Variants in BAZ2B observed in about 807,000 individuals in gnomAD.
BAZ2B encodes the protein bromodomain adjacent to zinc finger domain protein 2B.
BAZ2B carries 91 observed loss-of-function variants against 246.0 expected under a neutral mutation model. The ratio of observed to expected loss-of-function variants is 0.37; its 90% CI spans 0.31 to 0.44. The LOEUF is 0.44. Among genes scored for constraint, BAZ2B ranks in the 20% least tolerant of loss-of-function variants. The pLI, the probability that BAZ2B is intolerant of heterozygous loss-of-function variation, is 1.00. For synonymous variants in BAZ2B, 855 were observed against 860.0 expected (o/e 0.99, Z 0.10); for missense variants, 2,332 against 2,533.7 (o/e 0.92, Z 1.71).
chr2:159,632,419 A>G, the BAZ2B span, among the ~76,000 whole-genome samples: 1 of 152,216 alleles, frequency 6.6e-6, no homozygotes, highest in Non-Finnish European at 1.5e-5. Flanking sequence ...CAAAAAATAA[A>G]TATCTTCAAA....
At chr2:159,351,227 A>C (rs1465536750) in intron 27 of BAZ2B, among the ~76,000 whole-genome samples, 1 of 152,148 alleles carries the variant, frequency 6.6e-6, no homozygotes. Flanking sequence ...ATTCTACTAC[A>C]TACATAATAT....
chr2:159,360,399 G>A (rs1036577674), intron 27 of BAZ2B, among the ~76,000 whole-genome samples: 4 of 152,124 alleles, frequency 2.6e-5, no homozygotes, highest in African/African-American at 9.7e-5. Context: ...ACTTACAAGG[G>A]ATGTGAAGGA....
At chr2:159,398,482 G>A (rs1333153382) in intron 18 of BAZ2B, among the ~76,000 whole-genome samples, 2 of 151,930 alleles carry the variant, frequency 1.3e-5, no homozygotes, top group Non-Finnish European at 2.9e-5. Context: ...TCTAGTTTAT[G>A]CCTAAACATA....
chr2:159,613,459 TAAAAA>T (rs70997176), intron 1 of BAZ2B, among the ~76,000 whole-genome samples: 139 of 144,404 alleles, frequency 9.6e-4, no homozygotes, highest in Non-Finnish European at 1.0e-3. Context: ...TCTGATTTTC[TAAAAA>T]AAAAAAAAAA....
intron 25 of BAZ2B, among the ~76,000 whole-genome samples, chr2:159,380,009 T>TACAC (rs35151742): frequency 2.1e-4 from 31 of 150,662 alleles, no homozygotes; most frequent in African/African-American, 5.3e-4. Flanking sequence ...CTCATATACA[T>TACAC]ACACACACAC....
rs763105061 is a variant in BAZ2B, at chr2:159,374,748, T to C, written c.4011A>G (p.Glu1337=). Reference sequence around the variant, plus strand: ...CTTCAACACTTGCTGCTTGGTCACCTTCATCCTATACATAAGAAAATACAG... The same window carrying C: ...CTTCAACACTTGCTGCTTGGTCACCCTCATCCTATACATAAGAAAATACAG... ...KKTDICEDED[E]GDQAASVEEL... Residue 1337 remains glutamate, a synonymous_variant, in exon 26 of 37, where the codon GAA becomes GAG. Transcript: ENST00000392783. The C allele has an allele frequency of 1.2e-6, 2 of 1,611,820 alleles. No individual in the cohort carries two copies. The highest frequency in any genetic ancestry group is 4.5e-5 in the East Asian group (2 of 44,764).
intron 21 of BAZ2B, among the ~76,000 whole-genome samples, chr2:159,389,007 G>C (rs1475468383): frequency 6.6e-6 from 1 of 152,116 alleles, no homozygotes; most frequent in Non-Finnish European, 1.5e-5. Flanking sequence ...TTGAGCCTGG[G>C]AACGAGAAGT....
At position 159,349,877 on chromosome 2, in the gene BAZ2B, C is replaced by G. The variant is rs2058371402; in HGVS notation, c.4694G>C (p.Arg1565Pro). The G allele has an allele frequency of 6.2e-7, 1 of 1,614,114 alleles. No homozygotes were observed. Among genetic ancestry groups the G allele is most frequent in the South Asian group, 1.1e-5 (1 of 91,080 alleles). ...KNRQWFSLLP[R>P]TPCDDTSLTH... ...AAGTGAAGTGTCATCACAGGGTGTT[C>G]GTGGCAAAAGACTAAACCATTGTCT... Residue 1565 changes from arginine to proline, a missense_variant, in exon 28 of 37, where the codon CGA becomes CCA. Transcript: ENST00000392783.
At chr2:159,350,415 A>G in intron 27 of BAZ2B, 58 bp from the exon 28 acceptor site, 1 of 1,334,214 alleles carries the variant, frequency 7.5e-7, no homozygotes, top group Non-Finnish European at 9.9e-7. Context: ...CAATACTGTA[A>G]TTAAATTTCA....
chr2:159,632,055 A>G, the BAZ2B span, among the ~76,000 whole-genome samples: 1 of 152,236 alleles, frequency 6.6e-6, no homozygotes, highest in South Asian at 2.1e-4. Flanking sequence ...TATAATTACC[A>G]TTCTCCTTAT....
the BAZ2B span, among the ~76,000 whole-genome samples, chr2:159,650,144 G>T: frequency 6.7e-6 from 1 of 149,534 alleles, no homozygotes. Context: ...CTTACATACA[G>T]AATACACTTA....
intron 36 of BAZ2B, 121 bp downstream of exon 36, chr2:159,324,664 ACACACACACACACACACACACACACC>A (rs2148780398): frequency 7.8e-6 from 2 of 256,726 alleles, no homozygotes; most frequent in East Asian, 1.0e-4. Context: ...ACACACACAC[ACACACACACACACACACACACACACC>A]TGCCTCAAAG....
At chr2:159,514,761 C>A (rs908456287) in intron 2 of BAZ2B, among the ~76,000 whole-genome samples, 3 of 152,080 alleles carry the variant, frequency 2.0e-5, no homozygotes, top group African/African-American at 7.2e-5. Context: ...ATGTGATTAT[C>A]ATGAATAGTA....
intron 26 of BAZ2B, among the ~76,000 whole-genome samples, chr2:159,374,403 C>T (rs370094386): frequency 6.6e-6 from 1 of 152,062 alleles, no homozygotes; most frequent in Non-Finnish European, 1.5e-5. Flanking sequence ...ATATGAAGAG[C>T]TGAAGAGTAT....
At chr2:159,436,960 T>C (rs896047938) in intron 8 of BAZ2B, among the ~76,000 whole-genome samples, 3 of 152,174 alleles carry the variant, frequency 2.0e-5, no homozygotes, top group African/African-American at 7.2e-5. Context: ...ACCTCAATAA[T>C]AGGTACTGAC....
At chr2:159,528,183 T>A (rs1397405339) in intron 2 of BAZ2B, among the ~76,000 whole-genome samples, 4 of 152,130 alleles carry the variant, frequency 2.6e-5, no homozygotes. Context: ...TGATGTCAAT[T>A]ATATCATCAT....
At chr2:159,615,820 G>T (rs1206695876) in intron 1 of BAZ2B, 1 of 152,468 alleles carries the variant, frequency 6.6e-6, no homozygotes, top group Non-Finnish European at 1.5e-5. Context: ...AGCCAGGGCG[G>T]CCGGCACAAA....
chr2:159,434,132 G>C (rs1414446654), intron 8 of BAZ2B: 2 of 151,036 alleles, frequency 1.3e-5, no homozygotes, highest in Non-Finnish European at 3.0e-5. Context: ...TTGTGAAGTT[G>C]AAAGATCATA....
chr2:159,641,006 A>AC, the BAZ2B span, among the ~76,000 whole-genome samples: 1 of 117,810 alleles, frequency 8.5e-6, no homozygotes, highest in Non-Finnish European at 2.0e-5. Context: ...ACAAAGAAAA[A>AC]AACCAAATAA....
Sources: allele counts gnomAD v4.1 joint callset (sites outside exome capture counted in the v4.1 genomes callset), GRCh38; gene constraint gnomAD v4.1.1; transcripts MANE v1.5; gene names NCBI Gene and HGNC (gene_info 2026-07-23, HGNC 2026-07-21).